Variants in PJA2 observed in about 807,000 individuals in gnomAD.
PJA2 encodes praja ring finger ubiquitin ligase 2.
PJA2 carries 25 observed loss-of-function variants against 69.3 expected under a neutral mutation model. That is an observed-to-expected ratio of 0.36 (90% confidence interval 0.26 to 0.50). The LOEUF (loss-of-function observed/expected upper bound fraction) is 0.50. Among genes scored for constraint, PJA2 ranks in the 20% least tolerant of loss-of-function variants. The probability of loss-of-function intolerance (pLI) is 0.96; values close to 1 mark genes in which losing one functional copy is unlikely to be tolerated. For synonymous variants in PJA2, 308 were observed against 277.8 expected (o/e 1.11, Z -1.08); for missense variants, 809 against 830.2 (o/e 0.97, Z 0.31).
intron 7 of PJA2, among the ~76,000 whole-genome samples, chr5:109,355,154 C>G (rs1156594253): frequency 6.6e-6 from 1 of 152,042 alleles, no homozygotes; most frequent in Admixed American, 6.6e-5. Context: ...ACTGGACTTT[C>G]TAATCTCAGA....
At chr5:109,354,499 CATA>C (rs1190215495) in intron 7 of PJA2, among the ~76,000 whole-genome samples, 5 of 85,200 alleles carry the variant, frequency 5.9e-5, no homozygotes, top group Admixed American at 2.4e-4. Flanking sequence ...TCTATAATAT[CATA>C]GATATCTATA....
intron 7 of PJA2, among the ~76,000 whole-genome samples, chr5:109,350,418 T>C (rs1762231628): frequency 6.6e-6 from 1 of 152,186 alleles, no homozygotes; most frequent in African/African-American, 2.4e-5. Context: ...AGCATAATCC[T>C]TTATCAGCAT....
chr5:109,363,100 G>C (rs1762528579), intron 5 of PJA2, 78 bp from the exon 6 acceptor site: 2 of 1,235,084 alleles, frequency 1.6e-6, no homozygotes, highest in African/African-American at 3.0e-5. Flanking sequence ...TCTATTCCAT[G>C]CAAGTGGATT....
At chr5:109,396,628 T>C (rs1445667550) in intron 1 of PJA2, among the ~76,000 whole-genome samples, 2 of 151,288 alleles carry the variant, frequency 1.3e-5, no homozygotes, top group East Asian at 3.9e-4. Flanking sequence ...GGTTTCACCA[T>C]GTTGGTCAGG....
chr5:109,354,067 A>G (rs933134312), intron 7 of PJA2, among the ~76,000 whole-genome samples: 1 of 131,042 alleles, frequency 7.6e-6, no homozygotes, highest in Admixed American at 7.4e-5. Flanking sequence ...TGATATCTAG[A>G]GATATCTATA....
chr5:109,408,025 A>G (rs1051416967), intron 1 of PJA2, among the ~76,000 whole-genome samples: 2 of 152,172 alleles, frequency 1.3e-5, no homozygotes, highest in African/African-American at 4.8e-5. Context: ...ATTCAAGAAT[A>G]TTTTCAACAA....
intron 4 of PJA2, among the ~76,000 whole-genome samples, chr5:109,370,629 A>C (rs1326363572): frequency 6.6e-6 from 1 of 152,210 alleles, no homozygotes; most frequent in African/African-American, 2.4e-5. Flanking sequence ...CCCAAAGAAT[A>C]ATCTAATATA....
intron 8 of PJA2, 111 bp downstream of exon 8, chr5:109,344,594 A>G (rs1215166858): frequency 1.3e-6 from 1 of 792,578 alleles, no homozygotes; most frequent in Non-Finnish European, 1.9e-6. Context: ...TTCTATAAAA[A>G]AAATCTAGTG....
At chr5:109,381,761 C>A (rs545590288) in intron 2 of PJA2, 58 bp from the exon 3 acceptor site, 1 of 1,464,272 alleles carries the variant, frequency 6.8e-7, no homozygotes, top group East Asian at 2.3e-5. Context: ...TTCTTGCAAC[C>A]TGTTGGGGAA....
chr5:109,354,604 G>A (rs186964427), intron 7 of PJA2, among the ~76,000 whole-genome samples: 11 of 134,532 alleles, frequency 8.2e-5, no homozygotes, highest in South Asian at 2.3e-4. Flanking sequence ...ATTACATATC[G>A]ATATCTAATA....
chr5:109,344,571 G>GT (rs1266189604), intron 8 of PJA2, 134 bp downstream of exon 8: 1 of 671,912 alleles, frequency 1.5e-6, no homozygotes, highest in Non-Finnish European at 2.4e-6. Flanking sequence ...GTGAAAGTTT[G>GT]TGAGCATCTG....
At chr5:109,402,804 G>A (rs1451027207) in intron 1 of PJA2, among the ~76,000 whole-genome samples, 1 of 151,962 alleles carries the variant, frequency 6.6e-6, no homozygotes, top group African/African-American at 2.4e-5. Flanking sequence ...CAAAGAAAGA[G>A]ACATGCAAAA....
intron 9 of PJA2, among the ~76,000 whole-genome samples, chr5:109,340,616 GTCCCTCCCCCTCCCCCTCCCCC>G (rs1762025860): frequency 5.7e-4 from 6 of 10,438 alleles, no homozygotes; most frequent in African/African-American, 3.6e-3. Flanking sequence ...GATTTATTGG[GTCCCTCCCCCTCCCCCTCCCCC>G]TCCCCCTCCC....
intron 1 of PJA2, among the ~76,000 whole-genome samples, chr5:109,408,423 TTTTA>T (rs1747741947): frequency 6.6e-6 from 1 of 152,220 alleles, no homozygotes; most frequent in African/African-American, 2.4e-5. Flanking sequence ...CCAGTTAGCC[TTTTA>T]AAAAGTATTA....
chr5:109,373,027 G>C (rs1480798552), intron 4 of PJA2, among the ~76,000 whole-genome samples: 1 of 151,946 alleles, frequency 6.6e-6, no homozygotes, highest in East Asian at 1.9e-4. Context: ...CCAGGAGGTG[G>C]AGGTTGCAGT....
At chr5:109,378,142 G>T in intron 4 of PJA2, 62 bp downstream of exon 4, 1 of 1,214,762 alleles carries the variant, frequency 8.2e-7, no homozygotes, top group Non-Finnish European at 1.2e-6. Context: ...ATCAAACATG[G>T]TTCTAGAAAG....
intron 4 of PJA2, among the ~76,000 whole-genome samples, chr5:109,377,422 A>G (rs1218739602): frequency 1.3e-5 from 2 of 152,174 alleles, no homozygotes; most frequent in African/African-American, 2.4e-5. Flanking sequence ...AACTGAACAA[A>G]GAAATTCTCC....
intron 9 of PJA2, among the ~76,000 whole-genome samples, chr5:109,337,582 C>G (rs989107977): frequency 1.3e-5 from 2 of 152,082 alleles, no homozygotes; most frequent in African/African-American, 4.8e-5. Flanking sequence ...TATTCATGTT[C>G]GTATCTTTAA....
At chr5:109,385,936 A>G (rs976854096) in intron 1 of PJA2, among the ~76,000 whole-genome samples, 3 of 152,188 alleles carry the variant, frequency 2.0e-5, no homozygotes, top group African/African-American at 7.2e-5. Context: ...AATACTTTTA[A>G]TAATTGTGTG....
Sources: allele counts gnomAD v4.1 joint callset (sites outside exome capture counted in the v4.1 genomes callset), GRCh38; gene constraint gnomAD v4.1.1; transcripts MANE v1.5; gene names NCBI Gene and HGNC (gene_info 2026-07-23, HGNC 2026-07-21).